Variants in AP4E1 observed in about 807,000 individuals in gnomAD.
AP4E1 encodes the protein AP-4 complex subunit epsilon-1.
A neutral mutation model predicts 128.2 loss-of-function variants in AP4E1; 56 were observed. That is an observed-to-expected ratio of 0.44 (90% CI 0.35 to 0.55). The LOEUF (loss-of-function observed/expected upper bound fraction) is 0.55. AP4E1 is among the 20% of genes least tolerant of loss of function. The probability of loss-of-function intolerance (pLI) is 0.00; values close to 1 mark genes in which losing one functional copy is unlikely to be tolerated. For missense variants in AP4E1, 1,324 were observed against 1,307.7 expected (o/e 1.01, Z -0.19); for synonymous variants, 484 against 473.1 (o/e 1.02, Z -0.30).
rs768478215 is a variant in AP4E1 at position 50,948,110 on chromosome 15, G to C, written c.1267G>C (p.Glu423Gln). 1 of 1,613,960 alleles carries C rather than the reference G, an allele frequency of 6.2e-7. No homozygotes were observed. The highest frequency in any genetic ancestry group is 8.5e-7 in the Non-Finnish European group (1 of 1,179,936). ...TGAATATTTACATCAGAGCAAAGAA[G>C]AGTATGTCATCGTCAATTTGGTCGG... is the stretch of plus-strand genomic sequence containing the variant. ...MLEYLHQSKE[E>Q]YVIVNLVGKI... Residue 423 changes from glutamate to glutamine, a missense_variant, in exon 11 of 21, where the codon GAG becomes CAG. By Grantham distance (29) the Glu-to-Gln change is conservative (BLOSUM62 2). Coordinates refer to ENST00000261842, the MANE Select transcript of AP4E1 (RefSeq NM_007347.5).
At chr15:50,939,210 T>A (rs2063950165) in intron 8 of AP4E1, among the ~76,000 whole-genome samples, 1 of 152,148 alleles carries the variant, frequency 6.6e-6, no homozygotes, top group Non-Finnish European at 1.5e-5. Context: ...AGGTGGCTCA[T>A]GCCTGTAATC....
intron 8 of AP4E1, among the ~76,000 whole-genome samples, chr15:50,940,574 G>A (rs1395926696): frequency 1.3e-5 from 2 of 152,140 alleles, no homozygotes; most frequent in East Asian, 1.9e-4. Flanking sequence ...ACTTCAACTT[G>A]TACTAGAACA....
At position 50,958,687 on chromosome 15, in the gene AP4E1, T is replaced by C; in HGVS notation, c.1744T>C (p.Leu582=). ...ATTAATCCATGAATTTACCATATCT[T>C]TGGATACTTGTATGAGACAACATGC... ...ERLIHEFTIS[L]DTCMRQHAFE... Residue 582 remains leucine (L), a synonymous_variant, in exon 14 of 21, where the codon TTG becomes CTG. Transcript: ENST00000261842. The C allele has an allele frequency of 1.9e-6, 3 of 1,614,136 alleles. No individual in the cohort carries two copies. Among genetic ancestry groups the C allele is most frequent in the Non-Finnish European group, 2.5e-6 (3 of 1,179,990 alleles).
At chr15:50,943,177 A>G (rs1265489832) in intron 10 of AP4E1, among the ~76,000 whole-genome samples, 3 of 152,086 alleles carry the variant, frequency 2.0e-5, no homozygotes, top group Non-Finnish European at 4.4e-5. Flanking sequence ...GCATTAATTC[A>G]CTTAGGATAA....
Position 50,997,455 on chromosome 15 carries a change from T to C in AP4E1, c.2476T>C (p.Tyr826His), listed in dbSNP as rs761324980. The change falls in exon 18 of 21, where the codon TAT becomes CAT. Residue 826 changes from tyrosine to histidine, a missense_variant. Transcript: ENST00000261842. ...SSFSSLSNVAYEDDYYSNTLH... is the reference protein window; with the variant it reads ...SSFSSLSNVAHEDDYYSNTLH... ...CTTTAGTTCTTTGTCAAATGTGGCA[T>C]ATGAAGATGATTATTATTCGAATAC... 19 of 1,613,992 alleles carry C rather than the reference T, an allele frequency of 1.2e-5. No homozygotes were observed. The highest frequency in any genetic ancestry group is 1.5e-5 in the Non-Finnish European group (18 of 1,179,954).
intron 16 of AP4E1, among the ~76,000 whole-genome samples, chr15:50,992,183 A>G (rs982868587): frequency 6.6e-6 from 1 of 152,118 alleles, no homozygotes; most frequent in Non-Finnish European, 1.5e-5. Context: ...TTAAGAAACA[A>G]TAAGATTGTC....
intron 20 of AP4E1, 148 bp from the exon 21 acceptor site, chr15:51,002,354 C>G: frequency 1.3e-6 from 1 of 755,134 alleles, no homozygotes; most frequent in East Asian, 2.6e-5. Flanking sequence ...TATAGTATCT[C>G]ACTGTGGTTT....
upstream of AP4E1, chr15:50,908,620 G>A (rs1360156417): frequency 4.0e-6 from 4 of 1,009,058 alleles, no homozygotes; most frequent in East Asian, 3.3e-5. Flanking sequence ...GGCCTCTCGC[G>A]AGAACGACGC....
intron 18 of AP4E1, among the ~76,000 whole-genome samples, chr15:50,998,598 C>T (rs1476650449): frequency 1.3e-5 from 2 of 151,972 alleles, no homozygotes; most frequent in South Asian, 2.1e-4. Flanking sequence ...CCATTGCACT[C>T]TAGCCTGGGT....
chr15:50,982,157 C>T (rs957408057), intron 15 of AP4E1, among the ~76,000 whole-genome samples: 1 of 148,494 alleles, frequency 6.7e-6, no homozygotes, highest in Admixed American at 6.7e-5. Context: ...CTTCTGCTTT[C>T]CTTTCACCAT....
chr15:50,987,798 T>C lies in AP4E1; in HGVS notation c.2090+3653T>C, dbSNP rs545222486. 3.9e-5 allele frequency among the ~76,000 whole-genome samples: 6 copies of C among 152,336 alleles called. No individual in the cohort carries two copies. The South Asian group carries it at 6.2e-4, about 16-fold the overall frequency. ...TTAATATAATGGTTTAGAAAGGTTT[T>C]TAAAAGCTAAATTGTATGGGCTGTT... On this transcript the variant is annotated intron_variant, in intron 16 of 20. Coordinates refer to ENST00000261842, the MANE Select transcript of AP4E1 (RefSeq NM_007347.5).
chr15:50,940,833 G>C (rs2063975709), intron 8 of AP4E1, among the ~76,000 whole-genome samples: 1 of 152,126 alleles, frequency 6.6e-6, no homozygotes, highest in South Asian at 2.1e-4. Flanking sequence ...ATGCTATCAA[G>C]ATGTCCAGTA....
intron 20 of AP4E1, 21 bp from the exon 21 acceptor site, chr15:51,002,481 T>C (rs2064976295): frequency 6.2e-7 from 1 of 1,613,648 alleles, no homozygotes; most frequent in Non-Finnish European, 8.5e-7. Flanking sequence ...TAAATCATTT[T>C]TCACTTTTGT....
intron 2 of AP4E1, among the ~76,000 whole-genome samples, chr15:50,913,704 A>C (rs569917421): frequency 5.9e-5 from 9 of 152,348 alleles, no homozygotes; most frequent in African/African-American, 2.2e-4. Flanking sequence ...GTTGAAACTT[A>C]ATGGCTTAAA....
At chr15:50,922,960 G>A (rs1335581018) in intron 3 of AP4E1, among the ~76,000 whole-genome samples, 2 of 152,016 alleles carry the variant, frequency 1.3e-5, no homozygotes, top group East Asian at 3.9e-4. Flanking sequence ...TGTATTTTTA[G>A]TAGAGACGGG....
Position 50,908,877 on chromosome 15 carries a change from C to T in AP4E1, c.99C>T (p.Ser33=), listed in dbSNP as rs772519865. ...CCGCGGCCGCCAAGGCGTCCTTCTCCTCGAGGCTGGGCAGCCTTGTCCGCG... is the reference window on the plus strand; with the variant it reads ...CCGCGGCCGCCAAGGCGTCCTTCTCTTCGAGGCTGGGCAGCCTTGTCCGCG... ...GGPAAAKASF[S]SRLGSLVRGI... The change falls in exon 1 of 21, where the codon TCC becomes TCT. Residue 33 remains serine (S), a synonymous_variant. Transcript: ENST00000261842. The T allele has an allele frequency of 6.2e-7, 1 of 1,610,496 alleles. No homozygotes were observed. The highest frequency in any genetic ancestry group is 1.7e-5 in the Admixed American group (1 of 59,822).
At chr15:50,956,876 C>T (rs984786122) in intron 13 of AP4E1, among the ~76,000 whole-genome samples, 1 of 152,136 alleles carries the variant, frequency 6.6e-6, no homozygotes, top group Non-Finnish European at 1.5e-5. Context: ...GGCTTTGAGA[C>T]GGGTGCTTCA....
At chr15:50,943,678 A>G (rs984198483) in intron 10 of AP4E1, among the ~76,000 whole-genome samples, 3 of 152,184 alleles carry the variant, frequency 2.0e-5, no homozygotes, top group Admixed American at 1.3e-4. Flanking sequence ...CCACTTATTT[A>G]TGGAAGTATG....
chr15:50,977,707 T>TTTTTTTTTG lies in AP4E1; in HGVS notation c.1967-6307_1967-6306insGTTTTTTTT, dbSNP rs1297599002. On this transcript the variant is annotated intron_variant, in intron 15 of 20. Transcript: ENST00000261842. ...TCTTTTAATTATCAATCTGTTATGG[T>TTTTTTTTTG]TTTTTTTTTTTTTTTTTTTAGACAG... Among the ~76,000 whole-genome samples, 194 of 79,150 alleles carry TTTTTTTTTG rather than the reference T, an allele frequency of 2.5e-3. 8 individuals carry two copies. Among genetic ancestry groups the TTTTTTTTTG allele is most frequent in the Non-Finnish European group, 3.6e-3 (124 of 34,698 alleles). The allele number at this position is 79,150 out of a possible 152,430, so 51.9% of individuals were successfully genotyped here.
Sources: allele counts gnomAD v4.1 joint callset (sites outside exome capture counted in the v4.1 genomes callset), GRCh38; gene constraint gnomAD v4.1.1; transcripts MANE v1.5; gene names NCBI Gene and HGNC (gene_info 2026-07-23, HGNC 2026-07-21).